LOC128092252: variants seen among roughly 807,000 people sequenced by gnomAD.
the LOC128092252 span, among the ~76,000 whole-genome samples, chr15:50,683,355 C>G: frequency 1.2e-4 from 18 of 151,930 alleles, no homozygotes; most frequent in Non-Finnish European, 2.5e-4. Flanking sequence ...ACAAAAACTA[C>G]TACATGAATA....
chr15:50,650,153 A>C, the LOC128092252 span, among the ~76,000 whole-genome samples: 1 of 133,640 alleles, frequency 7.5e-6, no homozygotes, highest in Non-Finnish European at 1.5e-5. Context: ...AGATTGGGCC[A>C]CTGCACTCCA....
the LOC128092252 span, among the ~76,000 whole-genome samples, chr15:50,652,328 CAAAAAAAA>C: frequency 9.8e-3 from 335 of 34,200 alleles, 1 homozygote; most frequent in South Asian, 0.016. Flanking sequence ...GACTCCATCT[CAAAAAAAA>C]AAAAAAAAAA....
chr15:50,672,217 C>T, the LOC128092252 span, among the ~76,000 whole-genome samples: 1 of 152,036 alleles, frequency 6.6e-6, no homozygotes, highest in Non-Finnish European at 1.5e-5. Context: ...CCACACCCAG[C>T]TAATTTTTTG....
the LOC128092252 span, among the ~76,000 whole-genome samples, chr15:50,682,719 G>C: frequency 6.6e-6 from 1 of 152,060 alleles, no homozygotes; most frequent in South Asian, 2.1e-4. Context: ...AATTCTCCAA[G>C]TCAAACACTG....
the LOC128092252 span, among the ~76,000 whole-genome samples, chr15:50,655,239 C>T: frequency 7.3e-5 from 11 of 151,450 alleles, no homozygotes; most frequent in East Asian, 1.6e-3. Context: ...TTCAAGACCA[C>T]CCTGACCATC....
At chr15:50,678,239 C>CA in the LOC128092252 span, among the ~76,000 whole-genome samples, 21,617 of 88,460 alleles carry the variant, frequency 0.24, 3,176 homozygotes, top group East Asian at 0.34. Flanking sequence ...GACTCTCTCT[C>CA]AAAAAAAAAA....
At chr15:50,682,020 G>C in the LOC128092252 span, among the ~76,000 whole-genome samples, 1 of 150,006 alleles carries the variant, frequency 6.7e-6, no homozygotes, top group Admixed American at 6.7e-5. Flanking sequence ...TCTACTAAAA[G>C]TACAAAAATT....
chr15:50,652,971 A>C, the LOC128092252 span, among the ~76,000 whole-genome samples: 1 of 152,122 alleles, frequency 6.6e-6, no homozygotes, highest in Admixed American at 6.6e-5. Context: ...GACCAGCCTG[A>C]CAACATGGCA....
chr15:50,677,926 G>T, the LOC128092252 span, among the ~76,000 whole-genome samples: 1 of 151,546 alleles, frequency 6.6e-6, no homozygotes, highest in Admixed American at 6.6e-5. Flanking sequence ...CTCAAGAAAA[G>T]AAAGTTAAAT....
At chr15:50,650,167 TG>T in the LOC128092252 span, among the ~76,000 whole-genome samples, 7 of 114,882 alleles carry the variant, frequency 6.1e-5, no homozygotes, top group South Asian at 1.7e-3. Flanking sequence ...CACTCCAGCC[TG>T]GGTGAAAGAG....
chr15:50,679,538 A>ATAATATATATATATATATATATTTTT, the LOC128092252 span, among the ~76,000 whole-genome samples: 1 of 43,904 alleles, frequency 2.3e-5, no homozygotes, highest in Non-Finnish European at 3.8e-5. Context: ...ATATATATAT[A>ATAATATATATATATATATATATTTTT]TTTTTTTTTT....
the LOC128092252 span, among the ~76,000 whole-genome samples, chr15:50,686,007 A>G: frequency 6.6e-6 from 1 of 152,360 alleles, no homozygotes; most frequent in African/African-American, 2.4e-5. Context: ...GTACCTGTAG[A>G]GTATCCGCTG....
the LOC128092252 span, among the ~76,000 whole-genome samples, chr15:50,683,245 A>C: frequency 2.7e-5 from 4 of 148,624 alleles, no homozygotes; most frequent in East Asian, 2.0e-4. Context: ...AAAAAAAAAA[A>C]CTGCAATTTA....
the LOC128092252 span, among the ~76,000 whole-genome samples, chr15:50,662,340 A>AT: frequency 1.3e-5 from 2 of 151,574 alleles, no homozygotes; most frequent in African/African-American, 4.8e-5. Flanking sequence ...AAAAAAAAAA[A>AT]GGTAAAAAGA....
At chr15:50,677,563 A>G in the LOC128092252 span, among the ~76,000 whole-genome samples, 1 of 151,442 alleles carries the variant, frequency 6.6e-6, no homozygotes, top group African/African-American at 2.4e-5. Flanking sequence ...ACATGGTGAA[A>G]CCCCATCCCT....
the LOC128092252 span, among the ~76,000 whole-genome samples, chr15:50,658,132 G>C: frequency 6.6e-6 from 1 of 151,422 alleles, no homozygotes; most frequent in Admixed American, 6.6e-5. Context: ...AGCCTCCCAA[G>C]TAGCTGGGAC....
chr15:50,680,786 A>G, the LOC128092252 span, among the ~76,000 whole-genome samples: 2 of 152,318 alleles, frequency 1.3e-5, no homozygotes, highest in African/African-American at 2.4e-5. Flanking sequence ...ACAAATATAC[A>G]TGTCCCTGAA....
At chr15:50,667,283 C>T in the LOC128092252 span, among the ~76,000 whole-genome samples, 4,496 of 152,232 alleles carry the variant, frequency 0.03, 244 homozygotes, top group African/African-American at 0.1. Context: ...AAGGGCTCTA[C>T]CTTGAAGCCA....
At chr15:50,685,398 A>T in the LOC128092252 span, among the ~76,000 whole-genome samples, 4 of 152,254 alleles carry the variant, frequency 2.6e-5, no homozygotes, top group Non-Finnish European at 4.4e-5. Flanking sequence ...CGGATGTTGC[A>T]GTGAGCGGAG....
Sources: allele counts gnomAD v4.1 joint callset (sites outside exome capture counted in the v4.1 genomes callset), GRCh38; gene constraint gnomAD v4.1.1; transcripts MANE v1.5.